Variants in HIRA observed in about 807,000 individuals in gnomAD.
HIRA encodes protein HIRA.
Under a neutral mutation model 126.6 loss-of-function variants are expected in HIRA, and 13 were observed. The observed-to-expected ratio is 0.10, with a 90% CI of 0.07 to 0.16. The LOEUF is 0.16. HIRA is among the 10% of genes least tolerant of loss of function. HIRA has a pLI of 1.00. For synonymous variants in HIRA, 511 were observed against 520.0 expected (o/e 0.98, Z 0.24); for missense variants, 834 against 1,314.4 (o/e 0.63, Z 5.65).
At chr22:19,391,016 G>A (rs1382834783) in intron 9 of HIRA, among the ~76,000 whole-genome samples, 1 of 151,238 alleles carries the variant, frequency 6.6e-6, no homozygotes, top group Admixed American at 6.6e-5. Context: ...AAATGAAAAC[G>A]TACATCCACA....
chr22:19,372,718 C>A (rs2088978713), intron 15 of HIRA, among the ~76,000 whole-genome samples: 1 of 151,916 alleles, frequency 6.6e-6, no homozygotes, highest in Non-Finnish European at 1.5e-5. Context: ...ATTATAGGCG[C>A]CTGCCACCAT....
intron 5 of HIRA, among the ~76,000 whole-genome samples, chr22:19,398,641 T>G (rs1283969873): frequency 6.6e-6 from 1 of 152,212 alleles, no homozygotes; most frequent in East Asian, 1.9e-4. Context: ...CACATTCACT[T>G]CTTTGTGACT....
At chr22:19,379,639 A>AG (rs1313868718) in intron 13 of HIRA, among the ~76,000 whole-genome samples, 1 of 151,226 alleles carries the variant, frequency 6.6e-6, no homozygotes, top group African/African-American at 2.4e-5. Flanking sequence ...AAAAAAAAAA[A>AG]AAAAGAAATA....
chr22:19,369,984 G>A (rs1466780329), intron 15 of HIRA, among the ~76,000 whole-genome samples: 3 of 152,058 alleles, frequency 2.0e-5, no homozygotes, highest in Non-Finnish European at 2.9e-5. Context: ...TTCTTGTTTC[G>A]TTTTGTTTTT....
chr22:19,362,042 T>G, intron 15 of HIRA, 111 bp from the exon 16 acceptor site: 2 of 987,018 alleles, frequency 2.0e-6, no homozygotes, highest in Non-Finnish European at 3.0e-6. Context: ...TAGAATTCTG[T>G]GTCCAGTGAA....
chr22:19,415,132 C>A (rs1429842998), intron 1 of HIRA, among the ~76,000 whole-genome samples: 1 of 152,018 alleles, frequency 6.6e-6, no homozygotes, highest in Non-Finnish European at 1.5e-5. Flanking sequence ...GAATTACAGG[C>A]TTGAGCCACC....
Position 19,331,226 on chromosome 22 carries a change from G to T in HIRA, c.*214C>A. 1 of 1,482,432 alleles carries T rather than the reference G, an allele frequency of 6.7e-7. No homozygotes were observed. The highest frequency in any genetic ancestry group is 9.0e-7 in the Non-Finnish European group (1 of 1,112,644). The allele number at this position is 1,482,432 out of a possible 1,614,324, so 91.8% of individuals were successfully genotyped here. A position where few individuals can be genotyped will look rare whatever the true frequency, so the allele number is the denominator to read the frequency against. On this transcript the variant is annotated 3_prime_UTR_variant, in exon 25 of 25. Coordinates refer to ENST00000263208, the MANE Select transcript of HIRA (RefSeq NM_003325.4). ...CCTAGCTCCGCATCGGGGGCTTGGA[G>T]GGAGGGATGAGCTTCCCCCTCCTGA... is the stretch of plus-strand genomic sequence containing the variant.
chr22:19,341,310 G>A (rs1601800079), intron 24 of HIRA, among the ~76,000 whole-genome samples: 1 of 151,964 alleles, frequency 6.6e-6, no homozygotes, highest in South Asian at 2.1e-4. Context: ...AATTAGCCGG[G>A]TGTGCTGGCA....
At chr22:19,371,665 C>T (rs1175742529) in intron 15 of HIRA, among the ~76,000 whole-genome samples, 1 of 152,196 alleles carries the variant, frequency 6.6e-6, no homozygotes, top group Non-Finnish European at 1.5e-5. Context: ...ACCACTGTTA[C>T]TCTACTTTCT....
intron 1 of HIRA, among the ~76,000 whole-genome samples, chr22:19,428,049 CT>C (rs1468594640): frequency 6.6e-6 from 1 of 152,092 alleles, no homozygotes; most frequent in Non-Finnish European, 1.5e-5. Flanking sequence ...ATTTAACAAT[CT>C]TTTATATTTG....
intron 23 of HIRA, among the ~76,000 whole-genome samples, chr22:19,352,584 C>T (rs1346185797): frequency 2.0e-5 from 3 of 152,230 alleles, no homozygotes; most frequent in East Asian, 3.8e-4. Flanking sequence ...CTCGTATTTA[C>T]ACAGCCAGAG....
At chr22:19,332,294 C>A (rs915505031) in intron 24 of HIRA, among the ~76,000 whole-genome samples, 1 of 152,136 alleles carries the variant, frequency 6.6e-6, no homozygotes, top group Admixed American at 6.5e-5. Context: ...CTAGAAGTGA[C>A]AGTAAAGAAT....
chr22:19,335,406 G>A (rs1269317224), intron 24 of HIRA, among the ~76,000 whole-genome samples: 3 of 151,958 alleles, frequency 2.0e-5, no homozygotes, highest in East Asian at 3.9e-4. Flanking sequence ...CACCACACCC[G>A]GCTAATTTTT....
intron 1 of HIRA, among the ~76,000 whole-genome samples, chr22:19,425,097 C>G (rs2089479115): frequency 6.6e-6 from 1 of 152,212 alleles, no homozygotes; most frequent in African/African-American, 2.4e-5. Context: ...AAATCCTTGG[C>G]ATTTACCCAC....
At chr22:19,363,210 G>A (rs1044280824) in intron 15 of HIRA, among the ~76,000 whole-genome samples, 18 of 150,538 alleles carry the variant, frequency 1.2e-4, no homozygotes, top group Admixed American at 1.2e-3. Context: ...CTCCAGCCTG[G>A]TGACAAAGTG....
intron 13 of HIRA, among the ~76,000 whole-genome samples, chr22:19,378,400 G>A (rs1467200577): frequency 1.3e-5 from 2 of 152,210 alleles, no homozygotes; most frequent in Admixed American, 1.3e-4. Context: ...AATACAGAAA[G>A]GGCCTCCCTT....
intron 13 of HIRA, among the ~76,000 whole-genome samples, chr22:19,382,336 C>T (rs2089081368): frequency 6.6e-6 from 1 of 152,198 alleles, no homozygotes; most frequent in Admixed American, 6.5e-5. Flanking sequence ...ACCACCTCCC[C>T]ATCCCACAGG....
chr22:19,377,860 C>G lies in HIRA; in HGVS notation c.1613+9G>C. The G allele has an allele frequency of 6.3e-7, 1 of 1,595,056 alleles. No individual in the cohort carries two copies. The highest frequency in any genetic ancestry group is 8.5e-7 in the Non-Finnish European group (1 of 1,169,998). ...CCAGGGACAGGAACAAGCCTTGGCA[C>G]CCACTAACCTGTCTTTATTGACAGA... is the stretch of plus-strand genomic sequence containing the variant. On this transcript the variant is annotated intron_variant, in intron 14 of 24. Coordinates refer to ENST00000263208, the MANE Select transcript of HIRA (RefSeq NM_003325.4).
In HIRA at chr22:19,423,937, T is replaced by C. The variant is rs1481770014; in HGVS notation, c.37+7503A>G. Among the ~76,000 whole-genome samples, 8 of 152,198 alleles carry C rather than the reference T, an allele frequency of 5.3e-5. No homozygotes were observed. In the East Asian group the frequency reaches 7.7e-4, roughly 15 times the overall value. On this transcript the variant is annotated intron_variant, in intron 1 of 24. Transcript: ENST00000263208. Reference sequence around the variant, plus strand: ...AGAATGTTTCCCCTCATCATTGGAATTGCCAGCAGATTCCACTAGAAAGAG... The same window carrying C: ...AGAATGTTTCCCCTCATCATTGGAACTGCCAGCAGATTCCACTAGAAAGAG...
Sources: gnomAD v4.1 joint callset for allele counts (sites outside exome capture counted in the v4.1 genomes callset) on GRCh38, gnomAD v4.1.1 for gene constraint, MANE v1.5 for transcripts, NCBI Gene and HGNC (gene_info 2026-07-23, HGNC 2026-07-21) for gene names.